MCCC2: variants seen among roughly 807,000 people sequenced by gnomAD.
The protein encoded by MCCC2 is methylcrotonoyl-CoA carboxylase beta chain, mitochondrial.
Under a neutral mutation model 77.2 loss-of-function variants are expected in MCCC2, and 52 were observed. That is an observed-to-expected ratio of 0.67 (90% CI 0.54 to 0.85). The LOEUF is 0.85. MCCC2 is among the 40% of genes least tolerant of loss of function. MCCC2 has a pLI of 0.00. For synonymous variants in MCCC2, 253 were observed against 248.4 expected (o/e 1.02, Z -0.18); for missense variants, 682 against 703.2 (o/e 0.97, Z 0.34).
chr5:71,651,388 T>C (rs1301551835), intron 15 of MCCC2, among the ~76,000 whole-genome samples: 1 of 152,230 alleles, frequency 6.6e-6, no homozygotes, highest in Non-Finnish European at 1.5e-5. Context: ...TGAATTCTTT[T>C]GTTTGTGTCT....
At chr5:71,605,304 GT>G (rs1416025361) in intron 6 of MCCC2, among the ~76,000 whole-genome samples, 2 of 151,040 alleles carry the variant, frequency 1.3e-5, no homozygotes, top group Non-Finnish European at 1.5e-5. Context: ...TCTCATTGTG[GT>G]TTTGATTTGC....
At chr5:71,635,270 C>T in intron 10 of MCCC2, 24 bp downstream of exon 10, 3 of 1,593,400 alleles carry the variant, frequency 1.9e-6, no homozygotes, top group Non-Finnish European at 2.6e-6. Flanking sequence ...GAACTGTGAG[C>T]TTTATGACCA....
intron 2 of MCCC2, among the ~76,000 whole-genome samples, 197 bp from the exon 3 acceptor site, chr5:71,596,083 T>TC (rs988699797): frequency 6.6e-6 from 1 of 152,190 alleles, no homozygotes; most frequent in Admixed American, 6.6e-5. Context: ...AGATTGATTT[T>TC]TTTTTAATAC....
At chr5:71,616,294 G>A (rs891772643) in intron 6 of MCCC2, among the ~76,000 whole-genome samples, 5 of 152,242 alleles carry the variant, frequency 3.3e-5, no homozygotes, top group African/African-American at 1.2e-4. Context: ...AGGATGGGTA[G>A]TGGCAGCCCT....
chr5:71,602,572 G>GA lies in MCCC2; in HGVS notation c.456dup (p.Gln153ThrfsTer20), dbSNP rs1580280976. The GA allele has an allele frequency of 6.2e-7, 1 of 1,614,142 alleles. No homozygotes were observed. The highest frequency in any genetic ancestry group is 2.2e-5 in the East Asian group (1 of 44,878). ...GAGGTGCCTACTACCCAGTGACTGT[G>GA]AAAAAACAATTACGGGCCCAAGAAA... On this transcript the variant is annotated frameshift_variant, in exon 5 of 17. Coordinates refer to ENST00000340941, the MANE Select transcript of MCCC2 (RefSeq NM_022132.5). LOFTEE classifies it high-confidence loss of function.
intron 16 of MCCC2, among the ~76,000 whole-genome samples, chr5:71,655,739 A>G (rs1296075481): frequency 2.0e-5 from 3 of 152,262 alleles, no homozygotes; most frequent in Non-Finnish European, 4.4e-5. Context: ...GCCACCTACT[A>G]ATAACCTTTA....
intron 1 of MCCC2, among the ~76,000 whole-genome samples, chr5:71,588,680 T>C (rs1561814458): frequency 6.6e-6 from 1 of 152,088 alleles, no homozygotes; most frequent in African/African-American, 2.4e-5. Context: ...TAGGAAGTAA[T>C]GGGTGAGATG....
intron 6 of MCCC2, among the ~76,000 whole-genome samples, chr5:71,612,319 G>T (rs1224398715): frequency 6.6e-6 from 1 of 152,002 alleles, no homozygotes; most frequent in East Asian, 1.9e-4. Context: ...ATCTATACTT[G>T]CAATTATTAT....
chr5:71,637,819 T>C (rs889807689), intron 10 of MCCC2, among the ~76,000 whole-genome samples: 18 of 152,264 alleles, frequency 1.2e-4, no homozygotes, highest in Admixed American at 4.6e-4. Flanking sequence ...CCTGGGTTCA[T>C]GCCATTCTCC....
At chr5:71,596,188 T>C in intron 2 of MCCC2, 92 bp from the exon 3 acceptor site, 1 of 1,116,456 alleles carries the variant, frequency 9.0e-7, no homozygotes. Flanking sequence ...TTTTAAAAAG[T>C]GCTATATTTT....
At chr5:71,634,809 A>C (rs904231330) in intron 8 of MCCC2, 134 bp from the exon 9 acceptor site, 125 of 766,202 alleles carry the variant, frequency 1.6e-4, no homozygotes, top group Non-Finnish European at 1.5e-5. Flanking sequence ...CATTTATTAA[A>C]GATGACAAAT....
intron 10 of MCCC2, chr5:71,635,805 T>A (rs1746895734): frequency 1.2e-5 from 2 of 167,876 alleles, no homozygotes. Flanking sequence ...GCAGAGTAGT[T>A]TTTAAATTAG....
At chr5:71,626,586 A>G (rs570544232) in intron 6 of MCCC2, 54 bp from the exon 7 acceptor site, 2 of 1,377,322 alleles carry the variant, frequency 1.5e-6, no homozygotes, top group East Asian at 2.3e-5. Flanking sequence ...CAAACACTAT[A>G]GAAGTCACTG....
intron 13 of MCCC2, among the ~76,000 whole-genome samples, chr5:71,648,431 T>C (rs569209888): frequency 5.9e-5 from 9 of 152,132 alleles, no homozygotes; most frequent in South Asian, 2.1e-4. Context: ...AATGGAAAAA[T>C]AGTTTTTTTT....
At chr5:71,626,872 T>G (rs559051330) in intron 7 of MCCC2, 119 bp downstream of exon 7, 1 of 978,232 alleles carries the variant, frequency 1.0e-6, no homozygotes, top group East Asian at 2.6e-5. Context: ...AACATAAAAC[T>G]TACTGTTGTA....
At chr5:71,612,996 T>A (rs1049904513) in intron 6 of MCCC2, among the ~76,000 whole-genome samples, 1 of 152,216 alleles carries the variant, frequency 6.6e-6, no homozygotes, top group African/African-American at 2.4e-5. Context: ...CAGCTCCTGG[T>A]GGCTCCAGGT....
intron 7 of MCCC2, among the ~76,000 whole-genome samples, chr5:71,627,247 C>T (rs896476804): frequency 3.9e-5 from 6 of 152,130 alleles, no homozygotes; most frequent in Admixed American, 1.3e-4. Flanking sequence ...ATCCATCAAT[C>T]GATATTTGGG....
At chr5:71,599,869 A>G in intron 4 of MCCC2, 109 bp downstream of exon 4, 1 of 892,542 alleles carries the variant, frequency 1.1e-6, no homozygotes. Context: ...TATGCTATTT[A>G]TATTATGTAG....
intron 10 of MCCC2, among the ~76,000 whole-genome samples, chr5:71,638,920 C>T (rs867314330): frequency 1.3e-5 from 2 of 152,322 alleles, no homozygotes; most frequent in Middle Eastern, 3.4e-3. Context: ...ATGAAAAGAA[C>T]ACTCATCTCT....
Sources: allele counts gnomAD v4.1 joint callset (sites outside exome capture counted in the v4.1 genomes callset), GRCh38; gene constraint gnomAD v4.1.1; transcripts MANE v1.5; gene names NCBI Gene and HGNC (gene_info 2026-07-23, HGNC 2026-07-21).